NPRL3: variants seen among roughly 807,000 people sequenced by gnomAD.
NPRL3 encodes the protein GATOR1 complex protein NPRL3.
Under a neutral mutation model 57.2 loss-of-function variants are expected in NPRL3, and 23 were observed. That is an observed-to-expected ratio of 0.40 (90% CI 0.29 to 0.57). NPRL3 has a LOEUF of 0.57. Among genes scored for constraint, NPRL3 ranks in the 20% least tolerant of loss-of-function variants. NPRL3 has a pLI of 0.42. For missense variants in NPRL3, 691 were observed against 767.1 expected (o/e 0.90, Z 1.17); for synonymous variants, 333 against 321.1 (o/e 1.04, Z -0.39).
chr16:104,528 G>A (rs990424234), intron 7 of NPRL3, among the ~76,000 whole-genome samples: 1 of 152,194 alleles, frequency 6.6e-6, no homozygotes, highest in Non-Finnish European at 1.5e-5. Context: ...CACCGTGTCA[G>A]CTGTCCTTGG....
intron 12 of NPRL3, chr16:89,350 A>C (rs1898655159): frequency 3.5e-6 from 1 of 288,244 alleles, no homozygotes; most frequent in South Asian, 7.3e-5. Flanking sequence ...TGCTGCCCTC[A>C]AGCCACACTG....
At chr16:111,075 T>A (rs1316605044) in intron 6 of NPRL3, among the ~76,000 whole-genome samples, 1 of 152,116 alleles carries the variant, frequency 6.6e-6, no homozygotes, top group Non-Finnish European at 1.5e-5. Context: ...ATAATTAGTA[T>A]ATAATTGGCC....
At chr16:98,980 G>GA (rs1379900305) in intron 8 of NPRL3, among the ~76,000 whole-genome samples, 4 of 151,998 alleles carry the variant, frequency 2.6e-5, no homozygotes, top group South Asian at 2.1e-4. Flanking sequence ...GTCACCCTCG[G>GA]AAAAAAACAC....
At chr16:93,411 G>T in intron 9 of NPRL3, 86 bp from the exon 10 acceptor site, 1 of 834,250 alleles carries the variant, frequency 1.2e-6, no homozygotes, top group Non-Finnish European at 2.0e-6. Context: ...GGTGGCCATG[G>T]CCTACCAGCC....
At chr16:114,015 C>T (rs1277275381) in intron 5 of NPRL3, among the ~76,000 whole-genome samples, 1 of 152,198 alleles carries the variant, frequency 6.6e-6, no homozygotes, top group Non-Finnish European at 1.5e-5. Context: ...TCAACAGTGT[C>T]CTTGGGACCA....
chr16:87,762 G>C (rs958702766), intron 13 of NPRL3, among the ~76,000 whole-genome samples: 1 of 150,158 alleles, frequency 6.7e-6, no homozygotes, highest in Non-Finnish European at 1.5e-5. Flanking sequence ...AGTAGAGACG[G>C]GGTTTCACCA....
chr16:129,283 A>C (rs1900684426), intron 3 of NPRL3, among the ~76,000 whole-genome samples: 1 of 152,158 alleles, frequency 6.6e-6, no homozygotes, highest in African/African-American at 2.4e-5. Flanking sequence ...GAGAACAGGA[A>C]ATACCTACCC....
At position 100,359 on chromosome 16, in the gene NPRL3, G is replaced by A. The variant is rs1416295835; in HGVS notation, c.767+13C>T. ...CCCTGGCAGGGAGTGAGCACGTGGG[G>A]CTGGGCACTTACCGGATGGCTTTCA... is the stretch of plus-strand genomic sequence containing the variant. On this transcript the variant is annotated intron_variant, in intron 8 of 13. Coordinates refer to ENST00000611875, the MANE Select transcript of NPRL3 (RefSeq NM_001077350.3). The A allele has an allele frequency of 6.6e-7, 1 of 1,515,782 alleles. No homozygotes were observed. The allele number at this position is 1,515,782 out of a possible 1,614,324, so 93.9% of individuals were successfully genotyped here.
chr16:129,218 G>C lies in NPRL3; in HGVS notation c.188+1304C>G, dbSNP rs183620689. Among the ~76,000 whole-genome samples the C allele has an allele frequency of 4.6e-5, 7 of 152,284 alleles. No homozygotes were observed. The East Asian group carries it at 7.7e-4, about 17-fold the overall frequency. The stretch of plus-strand genomic sequence containing the variant: ...CTGCAGCTTGGAGTAAGGCTAATGT[G>C]GGGGGTGGCCAGCAGCCAGCCCTGC... On this transcript the variant is annotated intron_variant, in intron 3 of 13. Transcript: ENST00000611875.
At chr16:93,782 TCTCGATCTGAC>T (rs1221786488) in intron 9 of NPRL3, among the ~76,000 whole-genome samples, 2 of 152,170 alleles carry the variant, frequency 1.3e-5, no homozygotes, top group Non-Finnish European at 2.9e-5. Context: ...GCCAGGATGG[TCTCGATCTGAC>T]CTCGTGATCC....
chr16:103,070 C>T (rs189538800), intron 7 of NPRL3, among the ~76,000 whole-genome samples: 19 of 152,068 alleles, frequency 1.2e-4, no homozygotes, highest in African/African-American at 4.3e-4. Flanking sequence ...AAAGGGCAAG[C>T]GAGAGGTGGC....
chr16:122,382 C>T (rs1372660006), intron 3 of NPRL3, among the ~76,000 whole-genome samples: 1 of 152,230 alleles, frequency 6.6e-6, no homozygotes, highest in Non-Finnish European at 1.5e-5. Flanking sequence ...CAGGCATGAG[C>T]CACTGCACCC....
At chr16:133,437 G>A (rs1322756483) in intron 2 of NPRL3, among the ~76,000 whole-genome samples, 1 of 151,546 alleles carries the variant, frequency 6.6e-6, no homozygotes, top group Non-Finnish European at 1.5e-5. Context: ...TCACCATGTT[G>A]TCCAGGCTGG....
At chr16:129,644 C>T (rs567143946) in intron 3 of NPRL3, among the ~76,000 whole-genome samples, 1 of 152,300 alleles carries the variant, frequency 6.6e-6, no homozygotes, top group African/African-American at 2.4e-5. Flanking sequence ...AAGCAAGACC[C>T]CATCTCTACA....
chr16:127,416 G>A (rs1900572626), intron 3 of NPRL3, among the ~76,000 whole-genome samples: 2 of 151,776 alleles, frequency 1.3e-5, no homozygotes, highest in Admixed American at 1.3e-4. Flanking sequence ...TGTATTTTTT[G>A]TAGAGATGGG....
chr16:133,366 C>T (rs1900902488), intron 2 of NPRL3, among the ~76,000 whole-genome samples: 1 of 152,160 alleles, frequency 6.6e-6, no homozygotes, highest in Non-Finnish European at 1.5e-5. Context: ...CTGGGGATTA[C>T]AGGCATGGGC....
chr16:133,827 C>T (rs989626724), intron 2 of NPRL3, among the ~76,000 whole-genome samples: 1 of 152,148 alleles, frequency 6.6e-6, no homozygotes, highest in Admixed American at 6.5e-5. Flanking sequence ...ACATGTGATT[C>T]TTTATTTCAC....
chr16:109,306 C>T (rs910398426), intron 7 of NPRL3, among the ~76,000 whole-genome samples: 3 of 152,118 alleles, frequency 2.0e-5, no homozygotes, highest in Non-Finnish European at 2.9e-5. Flanking sequence ...TCAGCCAATA[C>T]AATCAGAACA....
At chr16:93,013 A>C (rs1249091936) in intron 10 of NPRL3, 3 of 617,724 alleles carry the variant, frequency 4.9e-6, no homozygotes. Context: ...TATGGGGGAC[A>C]CAGGAGAGCC....
Sources: allele counts gnomAD v4.1 joint callset (sites outside exome capture counted in the v4.1 genomes callset), GRCh38; gene constraint gnomAD v4.1.1; transcripts MANE v1.5; gene names NCBI Gene and HGNC (gene_info 2026-07-23, HGNC 2026-07-21).